WDR7: variants seen among roughly 807,000 people sequenced by gnomAD.
WDR7 encodes the protein WD repeat domain 7, also known as WD repeat-containing protein 7.
WDR7 carries 46 observed loss-of-function variants against 169.4 expected under a neutral mutation model. The observed-to-expected ratio is 0.27, with a 90% CI of 0.21 to 0.35. The LOEUF is 0.35. Ranked by LOEUF, WDR7 falls within the 10% of genes least tolerant of loss-of-function variation. The pLI is 1.00. For missense variants in WDR7, 1,534 were observed against 1,859.3 expected (o/e 0.83, Z 3.22); for synonymous variants, 612 against 666.8 (o/e 0.92, Z 1.27).
intron 22 of WDR7, among the ~76,000 whole-genome samples, chr18:56,928,270 C>A (rs368894771): frequency 1.3e-4 from 20 of 152,162 alleles, no homozygotes; most frequent in African/African-American, 4.8e-4. Flanking sequence ...TTGAAAACAG[C>A]CTGGGTAACA....
chr18:56,978,597 C>A (rs556068987), intron 26 of WDR7, among the ~76,000 whole-genome samples: 4 of 152,158 alleles, frequency 2.6e-5, no homozygotes, highest in Non-Finnish European at 5.9e-5. Context: ...CCCAGTATTT[C>A]CTTTATCTGA....
intron 16 of WDR7, among the ~76,000 whole-genome samples, chr18:56,759,208 C>T (rs985080201): frequency 6.6e-6 from 1 of 152,098 alleles, no homozygotes; most frequent in Non-Finnish European, 1.5e-5. Flanking sequence ...TGCATTGGGG[C>T]ACCTTAACTT....
chr18:56,784,502 C>T (rs916684049), intron 19 of WDR7, among the ~76,000 whole-genome samples: 2 of 152,178 alleles, frequency 1.3e-5, no homozygotes, highest in Non-Finnish European at 2.9e-5. Context: ...CAGAATTTAG[C>T]TCCCACTTAT....
intron 12 of WDR7, among the ~76,000 whole-genome samples, chr18:56,714,149 A>G (rs1172819739): frequency 6.6e-6 from 1 of 152,120 alleles, no homozygotes; most frequent in Non-Finnish European, 1.5e-5. Flanking sequence ...ATATTGGGTC[A>G]TTTCCACTTC....
At chr18:56,951,340 G>C (rs1487450962) in intron 25 of WDR7, among the ~76,000 whole-genome samples, 1 of 152,120 alleles carries the variant, frequency 6.6e-6, no homozygotes, top group African/African-American at 2.4e-5. Context: ...GAGGATTAAA[G>C]AGCCTGCTCC....
At chr18:56,767,162 G>A (rs1198078718) in intron 16 of WDR7, among the ~76,000 whole-genome samples, 1 of 152,160 alleles carries the variant, frequency 6.6e-6, no homozygotes, top group Non-Finnish European at 1.5e-5. Context: ...CCAATGCCCT[G>A]TGAATTATGA....
chr18:56,952,033 T>G (rs1233872258), intron 25 of WDR7, among the ~76,000 whole-genome samples: 2 of 152,226 alleles, frequency 1.3e-5, no homozygotes, highest in Admixed American at 6.5e-5. Context: ...TTAACATAAG[T>G]CAGCTGAATT....
At chr18:56,928,357 A>G (rs1433507450) in intron 22 of WDR7, among the ~76,000 whole-genome samples, 1 of 152,104 alleles carries the variant, frequency 6.6e-6, no homozygotes, top group African/African-American at 2.4e-5. Context: ...CCCAGCTACC[A>G]GGGAGGCTGA....
At chr18:56,798,170 A>G (rs145081426) in intron 19 of WDR7, among the ~76,000 whole-genome samples, 1 of 152,324 alleles carries the variant, frequency 6.6e-6, no homozygotes, top group African/African-American at 2.4e-5. Context: ...ATTTAATTAT[A>G]TTGACGATAA....
intron 21 of WDR7, among the ~76,000 whole-genome samples, chr18:56,902,046 T>C (rs969226272): frequency 2.0e-5 from 3 of 152,178 alleles, no homozygotes; most frequent in African/African-American, 4.8e-5. Context: ...CATTTAAAAT[T>C]CTACTTTGTC....
At chr18:57,030,023 C>A (rs566605126), downstream of WDR7, 2 of 152,244 alleles carry the variant, frequency 1.3e-5, no homozygotes, top group East Asian at 3.9e-4. Flanking sequence ...GCGTTGCATG[C>A]CTGTTGCTTT....
At chr18:56,750,732 C>T (rs79376878) in intron 14 of WDR7, among the ~76,000 whole-genome samples, 10,741 of 152,146 alleles carry the variant, frequency 0.071, 451 homozygotes, top group Middle Eastern at 0.13. Flanking sequence ...TATGACTAAG[C>T]CAAGAGACTT....
Position 56,691,288 on chromosome 18 carries a change from G to T in WDR7, c.790G>T (p.Asp264Tyr), listed in dbSNP as rs201100872. Residue 264 changes from aspartate to tyrosine, a missense_variant, in exon 8 of 28, where the codon GAC (aspartate) becomes TAC (tyrosine). By Grantham distance (160) the Asp-to-Tyr change is radical. Transcript: ENST00000254442. ...SENGQTWTGG[D>Y]FVSSDKVIIW... ...AAATGGACAGACATGGACCGGGGGG[G>T]ACTTTGTCTCATCAGATAAAGTCAT... The T allele has an allele frequency of 6.2e-7, 1 of 1,608,380 alleles. No homozygotes were observed. Among genetic ancestry groups the T allele is most frequent in the Non-Finnish European group, 8.5e-7 (1 of 1,178,852 alleles).
intron 20 of WDR7, among the ~76,000 whole-genome samples, chr18:56,866,307 A>G (rs1176554971): frequency 6.6e-6 from 1 of 151,844 alleles, no homozygotes; most frequent in African/African-American, 2.4e-5. Flanking sequence ...AGCTTCCAAT[A>G]TGTTTTTTGT....
intron 15 of WDR7, 134 bp downstream of exon 15, chr18:56,757,486 T>C (rs1305556167): frequency 1.1e-6 from 1 of 927,050 alleles, no homozygotes; most frequent in Non-Finnish European, 1.5e-6. Flanking sequence ...GTTTCCCTTT[T>C]ACATTTTAAA....
intron 19 of WDR7, among the ~76,000 whole-genome samples, chr18:56,784,262 T>A (rs80324926): frequency 0.013 from 1,947 of 152,314 alleles, 17 homozygotes; most frequent in East Asian, 0.032. Context: ...TTTTAAAAAA[T>A]TATTTTTTAT....
intron 19 of WDR7, among the ~76,000 whole-genome samples, chr18:56,784,873 A>G (rs1490918027): frequency 1.3e-5 from 2 of 150,520 alleles, no homozygotes; most frequent in African/African-American, 4.9e-5. Flanking sequence ...TATTAGCTAA[A>G]TGCTGGCTTA....
chr18:56,670,149 T>A (rs1212712139), intron 1 of WDR7, among the ~76,000 whole-genome samples: 1 of 152,168 alleles, frequency 6.6e-6, no homozygotes, highest in Admixed American at 6.5e-5. Flanking sequence ...GAACTAGGTT[T>A]ATGTGGTTGC....
In WDR7 at chr18:57,019,885, C is replaced by G. The variant is rs148086315; in HGVS notation, c.4165-860C>G. On this transcript the variant is annotated intron_variant, in intron 26 of 27. Coordinates refer to ENST00000254442, the MANE Select transcript of WDR7 (RefSeq NM_015285.3). ...AGGAGACCAACCTACAGCTTGTAAG[C>G]CAGATTGAATATTGGTTATTGTGGC... Among the ~76,000 whole-genome samples, 1,155 of 152,222 alleles carry G rather than the reference C, an allele frequency of 7.6e-3. 20 individuals carry two copies. The highest frequency in any genetic ancestry group is 0.036 in the South Asian group (173 of 4,822).
Sources: gnomAD v4.1 joint callset for allele counts (sites outside exome capture counted in the v4.1 genomes callset) on GRCh38, gnomAD v4.1.1 for gene constraint, MANE v1.5 for transcripts, NCBI Gene and HGNC (gene_info 2026-07-23, HGNC 2026-07-21) for gene names.